The following VPS13B variants were observed in gnomAD, a reference collection of about 807,000 sequenced individuals.
VPS13B encodes the protein vacuolar protein sorting 13 homolog B.
VPS13B carries 285 observed loss-of-function variants against 426.4 expected under a neutral mutation model. The observed-to-expected ratio is 0.67, with a 90% CI of 0.61 to 0.74. The LOEUF (loss-of-function observed/expected upper bound fraction) is 0.74, where lower values mean the gene tolerates loss of function less well. VPS13B is among the 30% of genes least tolerant of loss of function. The pLI, the probability that VPS13B is intolerant of heterozygous loss-of-function variation, is 0.00. For missense variants in VPS13B, 4,537 were observed against 4,782.6 expected (o/e 0.95, Z 1.51); for synonymous variants, 1,676 against 1,676.4 (o/e 1.00, Z 0.01).
intron 43 of VPS13B, among the ~76,000 whole-genome samples, chr8:99,807,712 C>T (rs765676469): frequency 5.4e-5 from 8 of 149,256 alleles, no homozygotes; most frequent in Admixed American, 3.3e-4. Context: ...TGTACGCACA[C>T]GTGTGTTTTC....
chr8:99,861,421 C>G (rs555541855), intron 57 of VPS13B, among the ~76,000 whole-genome samples: 59 of 152,316 alleles, frequency 3.9e-4, no homozygotes, highest in African/African-American at 1.4e-3. Context: ...CCCACCTCAG[C>G]CCCCTGAGTA....
chr8:99,427,767 A>G (rs1816809518), intron 21 of VPS13B, among the ~76,000 whole-genome samples: 1 of 151,878 alleles, frequency 6.6e-6, no homozygotes, highest in Non-Finnish European at 1.5e-5. Flanking sequence ...GACTTTCTTC[A>G]CAGAATTGGA....
At chr8:99,278,831 A>G (rs190768606) in intron 19 of VPS13B, among the ~76,000 whole-genome samples, 159 of 152,224 alleles carry the variant, frequency 1.0e-3, no homozygotes, top group African/African-American at 3.7e-3. Flanking sequence ...CACTTTTCCC[A>G]CTTCCTTCCT....
At chr8:99,431,090 A>G (rs1298006363) in intron 21 of VPS13B, among the ~76,000 whole-genome samples, 1 of 152,224 alleles carries the variant, frequency 6.6e-6, no homozygotes, top group Non-Finnish European at 1.5e-5. Flanking sequence ...TATGGGAAGG[A>G]TAATTTTCTA....
chr8:99,462,987 T>G (rs1156438727), intron 23 of VPS13B, among the ~76,000 whole-genome samples: 1 of 152,230 alleles, frequency 6.6e-6, no homozygotes, highest in Non-Finnish European at 1.5e-5. Context: ...TATGGTATTG[T>G]GTTATAACAG....
chr8:99,536,799 C>G, intron 30 of VPS13B: 1 of 524,742 alleles, frequency 1.9e-6, no homozygotes. Flanking sequence ...CAGTGAGACA[C>G]AACCTCAGTG....
intron 43 of VPS13B, among the ~76,000 whole-genome samples, chr8:99,803,875 A>G (rs1813260787): frequency 6.6e-6 from 1 of 152,128 alleles, no homozygotes. Context: ...TTATTTTAGT[A>G]TTTTAACTTA....
intron 37 of VPS13B, among the ~76,000 whole-genome samples, chr8:99,717,868 T>C (rs1422922974): frequency 6.6e-6 from 1 of 152,258 alleles, no homozygotes; most frequent in African/African-American, 2.4e-5. Context: ...TATTCCTTTT[T>C]ATGGCCAAAT....
At chr8:99,619,956 A>G (rs1264051438) in intron 33 of VPS13B, among the ~76,000 whole-genome samples, 1 of 151,638 alleles carries the variant, frequency 6.6e-6, no homozygotes, top group East Asian at 1.9e-4. Flanking sequence ...ATATTTCAAT[A>G]AGTAAATATA....
chr8:99,828,392 CCGTTTTTTTTTTTTTTTTTTTTTTTT>C (rs878913743), intron 51 of VPS13B, among the ~76,000 whole-genome samples: 13 of 47,640 alleles, frequency 2.7e-4, no homozygotes, highest in African/African-American at 1.1e-3. Flanking sequence ...ATTACAACCA[CCGTTTTTTTTTTTTTTTTTTTTTTTT>C]TTTTTTTTTT....
rs775173073 is a variant in VPS13B, at chr8:99,717,393, AT to A, written c.6657+27del. On this transcript the variant is annotated intron_variant, in intron 37 of 61. Transcript: ENST00000357162. ...CTACAGGTCTGTGGGTATTGGCCAT[AT>A]TTTTTTCATAGGTTATTAACTAGCC... is the stretch of plus-strand genomic sequence containing the variant. The A allele has an allele frequency of 6.2e-7, 1 of 1,603,800 alleles. No individual in the cohort carries two copies. The highest frequency in any genetic ancestry group is 1.1e-5 in the South Asian group (1 of 90,798).
Position 99,289,391 on chromosome 8 carries a change from C to T in VPS13B, c.2824+14137C>T, listed in dbSNP as rs535565717. The stretch of plus-strand genomic sequence containing the variant: ...GGACATTAGAGTTTGATGATATTGC[C>T]GTTCTTTTTTGTTTTTACCCTCACT... On this transcript the variant is annotated intron_variant, in intron 19 of 61. Coordinates refer to ENST00000357162, the MANE Select transcript of VPS13B (RefSeq NM_152564.5). Among the ~76,000 whole-genome samples the T allele has an allele frequency of 5.3e-5, 8 of 152,066 alleles. 1 individual carries two copies. The highest frequency in any genetic ancestry group is 1.7e-4 in the African/African-American group (7 of 41,512).
chr8:99,393,082 A>G (rs939659527), intron 21 of VPS13B, among the ~76,000 whole-genome samples: 23 of 152,126 alleles, frequency 1.5e-4, no homozygotes, highest in Admixed American at 1.2e-3. Flanking sequence ...TAGTGAAAAA[A>G]AAATGGTAAG....
intron 55 of VPS13B, among the ~76,000 whole-genome samples, chr8:99,849,721 G>A (rs536975815): frequency 5.3e-5 from 8 of 152,170 alleles, no homozygotes; most frequent in Non-Finnish European, 1.0e-4. Context: ...AATTACAATG[G>A]CAAAATATTC....
intron 33 of VPS13B, among the ~76,000 whole-genome samples, chr8:99,628,034 G>A (rs1266096043): frequency 6.6e-6 from 1 of 152,178 alleles, no homozygotes. Flanking sequence ...ACCTCCTCCA[G>A]CTCTAACAAG....
At chr8:99,306,926 G>A (rs944537143) in intron 19 of VPS13B, among the ~76,000 whole-genome samples, 1 of 152,114 alleles carries the variant, frequency 6.6e-6, no homozygotes, top group Non-Finnish European at 1.5e-5. Flanking sequence ...AAGTGAGGCA[G>A]AGTTAGATTT....
At chr8:99,869,426 G>T (rs183751726) in intron 59 of VPS13B, among the ~76,000 whole-genome samples, 1 of 152,168 alleles carries the variant, frequency 6.6e-6, no homozygotes. Flanking sequence ...AGATGAATGA[G>T]TGCCCACACT....
intron 2 of VPS13B, among the ~76,000 whole-genome samples, chr8:99,023,722 G>A (rs763698368): frequency 2.6e-5 from 4 of 152,010 alleles, no homozygotes; most frequent in Non-Finnish European, 4.4e-5. Context: ...CTCGTGATCC[G>A]CCTGCCTTGG....
intron 35 of VPS13B, among the ~76,000 whole-genome samples, chr8:99,673,362 T>C (rs1440324448): frequency 6.6e-6 from 1 of 152,072 alleles, no homozygotes; most frequent in Non-Finnish European, 1.5e-5. Context: ...CTTGGTACAT[T>C]GTATGTGTCC....
Sources: allele counts gnomAD v4.1 joint callset (sites outside exome capture counted in the v4.1 genomes callset), GRCh38; gene constraint gnomAD v4.1.1; transcripts MANE v1.5; gene names NCBI Gene and HGNC (gene_info 2026-07-23, HGNC 2026-07-21).